The following VMP1 variants were observed in gnomAD, a reference collection of about 807,000 sequenced individuals.
The protein encoded by VMP1 is ectopic P-granules autophagy protein 3 homolog.
A neutral mutation model predicts 56.0 loss-of-function variants in VMP1; 11 were observed. The ratio of observed to expected loss-of-function variants is 0.20; its 90% CI spans 0.12 to 0.32. The LOEUF is 0.32. Ranked by LOEUF, VMP1 falls within the 10% of genes least tolerant of loss-of-function variation. The pLI is 1.00. For missense variants in VMP1, 296 were observed against 490.3 expected, an observed-to-expected ratio of 0.60 and a Z score of 3.74; for synonymous variants, 149 against 165.0, an observed-to-expected ratio of 0.90 and a Z score of 0.74.
chr17:59,835,527 G>A (rs1300381962), intron 10 of VMP1, among the ~76,000 whole-genome samples: 5 of 145,944 alleles, frequency 3.4e-5, no homozygotes, highest in Admixed American at 6.8e-5. Flanking sequence ...TTTCACTCTC[G>A]TTGCCCAGGC....
chr17:59,733,106 C>A (rs935409119), intron 2 of VMP1, among the ~76,000 whole-genome samples: 1 of 152,050 alleles, frequency 6.6e-6, no homozygotes, highest in Admixed American at 6.6e-5. Context: ...GTGAGAGTAT[C>A]GATTTAGCCC....
chr17:59,804,080 A>G (rs1348019479), intron 7 of VMP1, among the ~76,000 whole-genome samples: 2 of 152,054 alleles, frequency 1.3e-5, no homozygotes, highest in Non-Finnish European at 2.9e-5. Context: ...TTTAGTTCAT[A>G]AACAATATTA....
rs541661157 is a variant in VMP1 at position 59,806,639 on chromosome 17, C to G, written c.715-2157C>G. Among the ~76,000 whole-genome samples the G allele has an allele frequency of 2.0e-5, 3 of 149,566 alleles. 1 individual carries two copies. The highest frequency in any genetic ancestry group is 3.0e-5 in the Non-Finnish European group (2 of 67,732). ...CTGAGACAAGAGAATCGCTTGAACCCGGGAGGCAGAGTTTGCAGTGAGCCA... is the reference window on the plus strand; with the variant it reads ...CTGAGACAAGAGAATCGCTTGAACCGGGGAGGCAGAGTTTGCAGTGAGCCA... On this transcript the variant is annotated intron_variant, in intron 7 of 11. Coordinates refer to ENST00000262291, the MANE Select transcript of VMP1 (RefSeq NM_030938.5).
At chr17:59,814,988 C>CCA (rs1217636535) in intron 9 of VMP1, among the ~76,000 whole-genome samples, 3 of 152,156 alleles carry the variant, frequency 2.0e-5, no homozygotes, top group African/African-American at 4.8e-5. Flanking sequence ...AGTGGGAAAG[C>CCA]CACACACACA....
At chr17:59,782,633 G>A (rs757736307) in intron 7 of VMP1, among the ~76,000 whole-genome samples, 22 of 152,142 alleles carry the variant, frequency 1.4e-4, no homozygotes, top group Non-Finnish European at 2.5e-4. Flanking sequence ...CCTCCAATTT[G>A]ATAGAAGCAA....
At chr17:59,814,628 C>T (rs1236614192) in intron 9 of VMP1, among the ~76,000 whole-genome samples, 2 of 152,096 alleles carry the variant, frequency 1.3e-5, no homozygotes, top group East Asian at 3.8e-4. Flanking sequence ...TGTTATTAAC[C>T]ACATTTCATA....
chr17:59,709,169 A>G (rs186312597), intron 1 of VMP1, among the ~76,000 whole-genome samples: 4 of 152,326 alleles, frequency 2.6e-5, no homozygotes, highest in Admixed American at 1.3e-4. Flanking sequence ...CAAGGTGACA[A>G]AATTTGAGAT....
chr17:59,758,163 C>A (rs144283670), intron 5 of VMP1, among the ~76,000 whole-genome samples: 1 of 152,020 alleles, frequency 6.6e-6, no homozygotes, highest in Non-Finnish European at 1.5e-5. Flanking sequence ...TTAAGATGTA[C>A]TCCCTGTATT....
rs768685950 is a variant in VMP1 at position 59,737,481 on chromosome 17, T to A, written c.241T>A (p.Ser81Thr). ...KLWHRQSIVV[S>T]FLLLLAVLIA... Reference sequence around the variant, plus strand: ...ATGGCATCGTCAAAGCATTGTGGTGTCTTTTTTACTGCTGCTTGCTGTGCT... The same window carrying A: ...ATGGCATCGTCAAAGCATTGTGGTGACTTTTTTACTGCTGCTTGCTGTGCT... The change falls in exon 4 of 12, where the codon TCT (serine) becomes ACT (threonine). Residue 81 changes from serine (S) to threonine (T), a missense_variant. Coordinates refer to ENST00000262291, the MANE Select transcript of VMP1 (RefSeq NM_030938.5). The A allele has an allele frequency of 1.7e-5, 28 of 1,612,070 alleles. No individual in the cohort carries two copies. The highest frequency in any genetic ancestry group is 2.3e-5 in the Non-Finnish European group (27 of 1,179,286).
chr17:59,712,673 T>C (rs1485599498), intron 1 of VMP1, among the ~76,000 whole-genome samples: 1 of 152,156 alleles, frequency 6.6e-6, no homozygotes, highest in African/African-American at 2.4e-5. Flanking sequence ...TGGAGCATAA[T>C]AGACTTGGAA....
chr17:59,769,332 T>A (rs2036347282), intron 6 of VMP1, among the ~76,000 whole-genome samples: 1 of 151,632 alleles, frequency 6.6e-6, no homozygotes, highest in South Asian at 2.1e-4. Flanking sequence ...TTTTGTATTT[T>A]TAGTAGAGAC....
At chr17:59,783,009 C>T (rs1170451133) in intron 7 of VMP1, among the ~76,000 whole-genome samples, 2 of 152,082 alleles carry the variant, frequency 1.3e-5, no homozygotes, top group East Asian at 3.9e-4. Context: ...TCCTGGCTGA[C>T]ATGGTGAAAC....
chr17:59,763,549 AT>A (rs1419240376), intron 5 of VMP1, among the ~76,000 whole-genome samples: 1 of 152,138 alleles, frequency 6.6e-6, no homozygotes, highest in African/African-American at 2.4e-5. Context: ...TTTAGGTATT[AT>A]TTTAACAGAA....
At chr17:59,829,379 G>A (rs1725013472) in intron 10 of VMP1, among the ~76,000 whole-genome samples, 1 of 152,076 alleles carries the variant, frequency 6.6e-6, no homozygotes, top group Admixed American at 6.6e-5. Flanking sequence ...ACCCTTTTCC[G>A]AGCAGTCTAC....
intron 7 of VMP1, among the ~76,000 whole-genome samples, chr17:59,797,172 T>C (rs1161164766): frequency 7.1e-6 from 1 of 140,488 alleles, no homozygotes. Flanking sequence ...CCCCCGTCTC[T>C]ACTAAAAATA....
intron 9 of VMP1, among the ~76,000 whole-genome samples, chr17:59,812,936 AGAAAG>A (rs1195575521): frequency 1.3e-5 from 2 of 152,148 alleles, no homozygotes; most frequent in Non-Finnish European, 2.9e-5. Context: ...TCTCAAAAAA[AGAAAG>A]GAAAGAACAG....
chr17:59,752,883 T>G (rs1228433582), intron 5 of VMP1, among the ~76,000 whole-genome samples: 1 of 152,218 alleles, frequency 6.6e-6, no homozygotes, highest in Non-Finnish European at 1.5e-5. Flanking sequence ...ATAAACATGT[T>G]AATTTGCTTT....
chr17:59,816,579 G>A (rs2038238778), intron 9 of VMP1, among the ~76,000 whole-genome samples: 1 of 152,046 alleles, frequency 6.6e-6, no homozygotes. Context: ...GCTGAGGTGG[G>A]CAGATCACGA....
chr17:59,766,971 G>A (rs950609829), intron 6 of VMP1, among the ~76,000 whole-genome samples: 7 of 151,952 alleles, frequency 4.6e-5, no homozygotes, highest in African/African-American at 9.7e-5. Context: ...TAGTAGAGAC[G>A]GGATTTCTCC....
Sources: allele counts gnomAD v4.1 joint callset (sites outside exome capture counted in the v4.1 genomes callset), GRCh38; gene constraint gnomAD v4.1.1; transcripts MANE v1.5; gene names NCBI Gene and HGNC (gene_info 2026-07-23, HGNC 2026-07-21).